FAM135B: variants seen among roughly 807,000 people sequenced by gnomAD.
The protein encoded by FAM135B is protein FAM135B.
A neutral mutation model predicts 127.7 loss-of-function variants in FAM135B; 43 were observed. That is an observed-to-expected ratio of 0.34 (90% CI 0.26 to 0.43). FAM135B has a LOEUF of 0.43. Ranked by LOEUF, FAM135B falls within the 20% of genes least tolerant of loss-of-function variation. The pLI is 1.00. For synonymous variants in FAM135B, 670 were observed against 665.1 expected (o/e 1.01, Z -0.11); for missense variants, 1,558 against 1,725.6 (o/e 0.90, Z 1.72).
intron 2 of FAM135B, among the ~76,000 whole-genome samples, chr8:138,335,134 G>A (rs1464755553): frequency 1.3e-5 from 2 of 152,114 alleles, no homozygotes; most frequent in Non-Finnish European, 2.9e-5. Context: ...ATGTAATACA[G>A]ATATCAGAAA....
chr8:138,131,093 A>C lies in FAM135B; in HGVS notation c.*1500T>G, dbSNP rs1440053637. On this transcript the variant is annotated 3_prime_UTR_variant, in exon 20 of 20. Transcript: ENST00000395297. ...TTTTCAAAGTCACATTGTTAACATA[A>C]GAGGATCTAAAATTCTCAAATGAGC... is the stretch of plus-strand genomic sequence containing the variant. 3.9e-5 allele frequency: 6 copies of C among 152,184 alleles called. No homozygotes were observed. Among genetic ancestry groups the C allele is most frequent in the South Asian group, 4.1e-4 (2 of 4,828 alleles). The allele number at this position is 152,184 out of a possible 1,614,324, so 9.4% of individuals were successfully genotyped here.
At chr8:138,261,098 C>A (rs962872224) in intron 4 of FAM135B, among the ~76,000 whole-genome samples, 1 of 151,692 alleles carries the variant, frequency 6.6e-6, no homozygotes, top group Non-Finnish European at 1.5e-5. Flanking sequence ...CATTTTTCTA[C>A]TTATCCAAAA....
chr8:138,315,218 A>T (rs1826990620), intron 2 of FAM135B, among the ~76,000 whole-genome samples: 1 of 152,184 alleles, frequency 6.6e-6, no homozygotes, highest in South Asian at 2.1e-4. Context: ...GTGAAAAAGT[A>T]CTCAATGTTA....
At chr8:138,338,965 A>T (rs1245215088) in intron 2 of FAM135B, among the ~76,000 whole-genome samples, 1 of 151,988 alleles carries the variant, frequency 6.6e-6, no homozygotes, top group Admixed American at 6.6e-5. Flanking sequence ...TTGTAGGGAC[A>T]TGGATGAAGC....
intron 1 of FAM135B, among the ~76,000 whole-genome samples, chr8:138,451,340 G>T (rs1474170867): frequency 1.3e-5 from 2 of 152,324 alleles, no homozygotes; most frequent in East Asian, 3.9e-4. Context: ...ATGCCGTATT[G>T]TTATTAGGGT....
intron 7 of FAM135B, among the ~76,000 whole-genome samples, chr8:138,234,168 C>A (rs1220823479): frequency 6.6e-6 from 1 of 151,872 alleles, no homozygotes; most frequent in Non-Finnish European, 1.5e-5. Context: ...TTAAACTTGT[C>A]AACACTTATC....
Position 138,243,673 on chromosome 8 carries a change from T to C in FAM135B, c.543-605A>G, listed in dbSNP as rs1404803958. Among the ~76,000 whole-genome samples the C allele has an allele frequency of 2.6e-5, 4 of 152,208 alleles. No homozygotes were observed. The East Asian group carries it at 7.7e-4, about 29-fold the overall frequency. On this transcript the variant is annotated intron_variant, in intron 6 of 19. Transcript: ENST00000395297. The surrounding 1 kb of genome is among the most constrained non-coding windows in gnomAD (Gnocchi z 7.5). The stretch of plus-strand genomic sequence containing the variant: ...GCAATCCAAAGATTAATGGACATAT[T>C]GTGATGGCAATGATCAATTTCAGGA...
rs372775712 is a variant in FAM135B, at chr8:138,422,700, A to AAAAAAC, written c.-19-54704_-19-54699dup. Among the ~76,000 whole-genome samples, 20 of 152,338 alleles carry AAAAAAC rather than the reference A, an allele frequency of 1.3e-4. No homozygotes were observed. The East Asian group carries it at 2.1e-3, about 16-fold the overall frequency. On this transcript the variant is annotated intron_variant, in intron 1 of 19. Coordinates refer to ENST00000395297, the MANE Select transcript of FAM135B (RefSeq NM_015912.4). ...AGCAGTTTGGGTTACAGATTTCTGA[A>AAAAAAC]AAAAACAAAAACAAAAACAAAAACA...
At chr8:138,212,180 A>G (rs1818196250) in intron 7 of FAM135B, among the ~76,000 whole-genome samples, 1 of 152,220 alleles carries the variant, frequency 6.6e-6, no homozygotes, top group Non-Finnish European at 1.5e-5. Context: ...AGTCTGACAA[A>G]GGATGGACAC....
At chr8:138,351,472 A>C (rs1324827157) in intron 2 of FAM135B, among the ~76,000 whole-genome samples, 1 of 152,146 alleles carries the variant, frequency 6.6e-6, no homozygotes, top group Non-Finnish European at 1.5e-5. Flanking sequence ...GATTAACAGA[A>C]AAGACACCAG....
In FAM135B at chr8:138,287,679, G is replaced by A. The variant is rs140221555; in HGVS notation, c.158-21837C>T. Among the ~76,000 whole-genome samples the A allele has an allele frequency of 1.8e-4, 28 of 152,182 alleles. No individual in the cohort carries two copies. In the East Asian group the frequency reaches 4.5e-3, roughly 24 times the overall value. On this transcript the variant is annotated intron_variant, in intron 3 of 19. Transcript: ENST00000395297. ...ATTTGCAGTGTTTGCTGATTTCCTG[G>A]CACACACAGCCCCACCATGGCCAAT...
intron 1 of FAM135B, among the ~76,000 whole-genome samples, chr8:138,406,107 G>A (rs1412295547): frequency 1.4e-5 from 2 of 147,716 alleles, no homozygotes; most frequent in African/African-American, 5.2e-5. Context: ...TGTAGATTCT[G>A]GATATCAGCC....
intron 2 of FAM135B, among the ~76,000 whole-genome samples, chr8:138,357,116 A>G (rs1172712787): frequency 6.6e-6 from 1 of 152,072 alleles, no homozygotes; most frequent in Non-Finnish European, 1.5e-5. Context: ...TTTAGAGCAT[A>G]TTATTTATAT....
chr8:138,236,717 G>A (rs953866971), intron 7 of FAM135B, among the ~76,000 whole-genome samples: 2 of 152,230 alleles, frequency 1.3e-5, no homozygotes, highest in African/African-American at 4.8e-5. Context: ...CATATTTGAT[G>A]TAAAGTAGAT....
chr8:138,336,276 T>TA (rs1225515767), intron 2 of FAM135B, among the ~76,000 whole-genome samples: 1 of 151,954 alleles, frequency 6.6e-6, no homozygotes, highest in Non-Finnish European at 1.5e-5. Context: ...CTGAAGGAAA[T>TA]AGAGACATAA....
intron 3 of FAM135B, among the ~76,000 whole-genome samples, chr8:138,294,275 T>C (rs1825324593): frequency 6.6e-6 from 1 of 151,854 alleles, no homozygotes; most frequent in Non-Finnish European, 1.5e-5. Context: ...AGATAAAAAA[T>C]TGCACGCTGG....
intron 1 of FAM135B, among the ~76,000 whole-genome samples, chr8:138,422,092 C>T (rs961132652): frequency 1.3e-5 from 2 of 152,080 alleles, no homozygotes; most frequent in Non-Finnish European, 2.9e-5. Context: ...ACTGGACTCC[C>T]CCTTTCACCA....
chr8:138,240,775 C>T (rs1382298298), intron 7 of FAM135B, among the ~76,000 whole-genome samples: 2 of 152,162 alleles, frequency 1.3e-5, no homozygotes, highest in African/African-American at 4.8e-5. Flanking sequence ...GGGAGTTGCA[C>T]ATCAGAGTCC....
At chr8:138,425,180 T>C (rs1447888882) in intron 1 of FAM135B, among the ~76,000 whole-genome samples, 1 of 152,208 alleles carries the variant, frequency 6.6e-6, no homozygotes, top group Non-Finnish European at 1.5e-5. Flanking sequence ...TGTTCACTTG[T>C]TGCCATGAAC....
Sources: allele counts gnomAD v4.1 joint callset (sites outside exome capture counted in the v4.1 genomes callset), GRCh38; gene constraint gnomAD v4.1.1; non-coding constraint Gnocchi (gnomAD v3.1); transcripts MANE v1.5; gene names NCBI Gene and HGNC (gene_info 2026-07-23, HGNC 2026-07-21).